Variants in FAM221B observed in about 807,000 individuals in gnomAD.
FAM221B encodes the protein family with sequence similarity 221 member B.
A neutral mutation model predicts 39.8 loss-of-function variants in FAM221B; 35 were observed. That is an observed-to-expected ratio of 0.88 (90% CI 0.67 to 1.17). The LOEUF is 1.17. Among genes scored for constraint, FAM221B ranks in the 50% most tolerant of loss-of-function variants. The pLI is 0.00. For synonymous variants in FAM221B, 158 were observed against 178.1 expected (o/e 0.89, Z 0.90); for missense variants, 479 against 503.1 (o/e 0.95, Z 0.46).
chr9:35,819,054 TCCCC>T, intron 5 of FAM221B, 45 bp from the exon 6 acceptor site: 2 of 1,550,730 alleles, frequency 1.3e-6, no homozygotes, highest in Non-Finnish European at 1.7e-6. Context: ...AATGGTGGTA[TCCCC>T]AGGAGCTGAC....
Position 35,818,374 on chromosome 9 carries a change from T to G in FAM221B, c.*95A>C. The G allele has an allele frequency of 3.4e-6, 4 of 1,174,244 alleles. No homozygotes were observed. Among genetic ancestry groups the G allele is most frequent in the Non-Finnish European group, 5.0e-6 (4 of 805,296 alleles). The allele number at this position is 1,174,244 out of a possible 1,614,324, so 72.7% of individuals were successfully genotyped here. ...TCTAATAGGTGTCAACTCTAAGTTA[T>G]TAGGCAGTCTCTCCCTGGGCTGGGA... is the stretch of plus-strand genomic sequence containing the variant. On this transcript the variant is annotated 3_prime_UTR_variant, in exon 7 of 7. Transcript: ENST00000423537.
In FAM221B at chr9:35,825,376, A is replaced by G; in HGVS notation, c.599-3T>C. 1.2e-6 allele frequency: 2 copies of G among 1,613,954 alleles called. No homozygotes were observed. Among genetic ancestry groups the G allele is most frequent in the South Asian group, 1.1e-5 (1 of 91,092 alleles). On this transcript the variant is annotated splice_region_variant and splice_polypyrimidine_tract_variant and intron_variant, in intron 2 of 6. Coordinates refer to ENST00000423537, the MANE Select transcript of FAM221B (RefSeq NM_001012446.4). This position sits in a 1 kb window ranked among gnomAD's most constrained non-coding sequence, Gnocchi z 4.2. ...GAACACTGGGCGGGCTGTGTTACCT[A>G]GGATGGGAGAGGATGAGTAACCAGG...
Position 35,825,338 on chromosome 9 carries a change from T to A in FAM221B, c.634A>T (p.Thr212Ser). 1 of 1,614,242 alleles carries A rather than the reference T, an allele frequency of 6.2e-7. No homozygotes were observed. The highest frequency in any genetic ancestry group is 8.5e-7 in the Non-Finnish European group (1 of 1,180,036). Residue 212 changes from threonine (T) to serine (S), a missense_variant, in exon 3 of 7, where the codon ACA becomes TCA. Thr to Ser is a moderately conservative substitution (Grantham distance 58, BLOSUM62 1). Coordinates refer to ENST00000423537, the MANE Select transcript of FAM221B (RefSeq NM_001012446.4). This position sits in a 1 kb window ranked among gnomAD's most constrained non-coding sequence, Gnocchi z 4.2. ...TARPVFPARQ[T>S]ELVEVAKAMH... is the part of the protein sequence containing the mutation. Reference sequence around the variant, plus strand: ...GCCTTAGCCACTTCCACCAGCTCTGTCTGCCTAGCAGGGAACACTGGGCGG... The same window carrying A: ...GCCTTAGCCACTTCCACCAGCTCTGACTGCCTAGCAGGGAACACTGGGCGG...
At chr9:35,819,103 C>T (rs2132135883) in intron 5 of FAM221B, 94 bp from the exon 6 acceptor site, 1 of 1,537,026 alleles carries the variant, frequency 6.5e-7, no homozygotes, top group Non-Finnish European at 8.8e-7. Flanking sequence ...ACCGCATGCC[C>T]AAGGCTCTCA....
At chr9:35,819,085 C>G in intron 5 of FAM221B, 76 bp from the exon 6 acceptor site, 3 of 1,542,384 alleles carry the variant, frequency 1.9e-6, no homozygotes, top group Non-Finnish European at 2.6e-6. Context: ...CTCATCTCTT[C>G]CTCAGTGACC....
Position 35,825,105 on chromosome 9 carries a change from A to C in FAM221B, c.742+125T>G. 8.9e-7 allele frequency: 1 copy of C among 1,128,524 alleles called. No homozygotes were observed. The highest frequency in any genetic ancestry group is 1.2e-6 in the Non-Finnish European group (1 of 802,996). 69.9% of individuals were successfully genotyped at this position (1,128,524 alleles called of 1,614,324 possible). A position where few individuals can be genotyped will look rare whatever the true frequency, so the allele number is the denominator to read the frequency against. On this transcript the variant is annotated intron_variant, in intron 3 of 6. Transcript: ENST00000423537. The surrounding 1 kb of genome is among the most constrained non-coding windows in gnomAD (Gnocchi z 4.2). Reference sequence around the variant, plus strand: ...TGGCCCACTTGCCTGCTCCTTTTCCAGGCAGGTGGTATAGCCATTTCCAAA... The same window carrying C: ...TGGCCCACTTGCCTGCTCCTTTTCCCGGCAGGTGGTATAGCCATTTCCAAA...
rs1203967282 is a variant in FAM221B at position 35,819,796 on chromosome 9, T to C, written c.853+94A>G. The stretch of plus-strand genomic sequence containing the variant: ...CTGGGATTACAGGGGTGAGCCACCG[T>C]GCCCAGCCACATGCTCTCTCTCATA... On this transcript the variant is annotated intron_variant, in intron 4 of 6. Coordinates refer to ENST00000423537, the MANE Select transcript of FAM221B (RefSeq NM_001012446.4). 2.8e-5 allele frequency: 24 copies of C among 858,116 alleles called. 1 individual carries two copies. Among genetic ancestry groups the C allele is most frequent in the Non-Finnish European group, 4.3e-5 (23 of 539,950 alleles). The allele number at this position is 858,116 out of a possible 1,614,324, so 53.2% of individuals were successfully genotyped here. A position where few individuals can be genotyped will look rare whatever the true frequency, so the allele number is the denominator to read the frequency against.
In FAM221B at chr9:35,825,214, G is replaced by A. The variant is rs770276328; in HGVS notation, c.742+16C>T. 1.2e-6 allele frequency: 2 copies of A among 1,613,998 alleles called. No homozygotes were observed. Among genetic ancestry groups the A allele is most frequent in the Admixed American group, 1.7e-5 (1 of 60,002 alleles). On this transcript the variant is annotated intron_variant, in intron 3 of 6. Coordinates refer to ENST00000423537, the MANE Select transcript of FAM221B (RefSeq NM_001012446.4). This position sits in a 1 kb window ranked among gnomAD's most constrained non-coding sequence, Gnocchi z 4.2. ...ATGGGCCTGTCACAGGCCTCTGAAA[G>A]GCCACATGGGCTCACCTGTCTGGAT... is the stretch of plus-strand genomic sequence containing the variant.
In FAM221B at chr9:35,817,791, G is replaced by C. The variant is rs1423294190; in HGVS notation, c.*678C>G. ...CAGGTTCTTGTTCCCTGAAACTCTA[G>C]GAAGGCTCCATCCTCTTCCTTCGTC... is the stretch of plus-strand genomic sequence containing the variant. On this transcript the variant is annotated 3_prime_UTR_variant, in exon 7 of 7. Coordinates refer to ENST00000423537, the MANE Select transcript of FAM221B (RefSeq NM_001012446.4). 6.6e-6 allele frequency: 1 copy of C among 152,348 alleles called. No homozygotes were observed. The highest frequency in any genetic ancestry group is 2.4e-5 in the African/African-American group (1 of 41,446). 9.4% of individuals were successfully genotyped at this position (152,348 alleles called of 1,614,324 possible).
chr9:35,819,855 C>T (rs775546817), intron 4 of FAM221B, 35 bp downstream of exon 4: 1 of 1,275,680 alleles, frequency 7.8e-7, no homozygotes, highest in South Asian at 1.2e-5. Flanking sequence ...AGTTATTCCT[C>T]CACACTCGAG....
At position 35,816,416 on chromosome 9, in the gene FAM221B, A is replaced by G. The variant is rs1158343530; in HGVS notation, c.*2053T>C. The G allele has an allele frequency of 2.7e-5, 4 of 149,482 alleles. No individual in the cohort carries two copies. The highest frequency in any genetic ancestry group is 4.4e-5 in the Non-Finnish European group (3 of 67,596). The allele number at this position is 149,482 out of a possible 1,614,324, so 9.3% of individuals were successfully genotyped here. A position where few individuals can be genotyped will look rare whatever the true frequency, so the allele number is the denominator to read the frequency against. ...TTTTCTTTTTTTTTTTTTTAAACACATGACCTGATACATATAGGTGGTCAG... is the reference window on the plus strand; with the variant it reads ...TTTTCTTTTTTTTTTTTTTAAACACGTGACCTGATACATATAGGTGGTCAG... On this transcript the variant is annotated 3_prime_UTR_variant, in exon 7 of 7. Transcript: ENST00000423537.
Position 35,825,235 on chromosome 9 carries a change from T to G in FAM221B, c.737A>C (p.Gln246Pro). 1 of 1,614,234 alleles carries G rather than the reference T, an allele frequency of 6.2e-7. No homozygotes were observed. The highest frequency in any genetic ancestry group is 8.5e-7 in the Non-Finnish European group (1 of 1,180,040). Reference sequence around the variant, plus strand: ...GAAAGGCCACATGGGCTCACCTGTCTGGATGGCATTCAGGGCTGCATCCTT... The same window carrying G: ...GAAAGGCCACATGGGCTCACCTGTCGGGATGGCATTCAGGGCTGCATCCTT... ...WEKDAALNAI[Q>P]TGLYIGWRCP... The change falls in exon 3 of 7, where the codon CAG (glutamine) becomes CCG (proline). Residue 246 changes from glutamine (Q) to proline (P), a missense_variant. Transcript: ENST00000423537. This position sits in a 1 kb window ranked among gnomAD's most constrained non-coding sequence, Gnocchi z 4.2.
rs2132136070 is a variant in FAM221B at position 35,819,187 on chromosome 9, TA to T, written c.1051+9del. On this transcript the variant is annotated intron_variant, in intron 5 of 6. Coordinates refer to ENST00000423537, the MANE Select transcript of FAM221B (RefSeq NM_001012446.4). Reference sequence around the variant, plus strand: ...CCTGCTCCCAATACACCTCTTGCCCTAGAAGTTACCATGATGCCTGCAGGGA... The same window carrying T: ...CCTGCTCCCAATACACCTCTTGCCCTGAAGTTACCATGATGCCTGCAGGGA... 1 of 1,550,364 alleles carries T rather than the reference TA, an allele frequency of 6.5e-7. No individual in the cohort carries two copies. The highest frequency in any genetic ancestry group is 2.4e-5 in the East Asian group (1 of 40,894).
In FAM221B at chr9:35,826,059, T is replaced by C. The variant is rs745654345; in HGVS notation, c.103A>G (p.Ile35Val). 2 of 1,614,094 alleles carry C rather than the reference T, an allele frequency of 1.2e-6. No homozygotes were observed. Among genetic ancestry groups the C allele is most frequent in the Admixed American group, 3.3e-5 (2 of 60,020 alleles). The change falls in exon 2 of 7, where the codon ATC (isoleucine) becomes GTC (valine). Residue 35 changes from isoleucine (I) to valine (V), a missense_variant. Transcript: ENST00000423537. The stretch of plus-strand genomic sequence containing the variant: ...GAAGGCTTCAAGAAGCTTTCAGAGA[T>C]ATGGTTCTCCTGTAAGTCCTCAGCA... The part of the protein sequence containing the change: ...PSAEDLQENH[I>V]SESFLKPSTS...
At chr9:35,818,673 G>C (rs778073111) in intron 6 of FAM221B, among the ~76,000 whole-genome samples, 167 bp from the exon 7 acceptor site, 9 of 152,226 alleles carry the variant, frequency 5.9e-5, no homozygotes, top group Non-Finnish European at 1.2e-4. Context: ...GCTGAGGATG[G>C]CTTCTCGGAG....
Position 35,825,990 on chromosome 9 carries a change from A to G in FAM221B, c.172T>C (p.Leu58=), listed in dbSNP as rs1228606644. 1.9e-6 allele frequency: 3 copies of G among 1,613,982 alleles called. No individual in the cohort carries two copies. The highest frequency in any genetic ancestry group is 2.7e-5 in the African/African-American group (2 of 74,884). The change falls in exon 2 of 7, where the codon TTG becomes CTG. Residue 58 remains leucine, a synonymous_variant. Coordinates refer to ENST00000423537, the MANE Select transcript of FAM221B (RefSeq NM_001012446.4). This position sits in a 1 kb window ranked among gnomAD's most constrained non-coding sequence, Gnocchi z 4.2. ...PLEPHTSESP[L]VPSPSQIPLE... Reference sequence around the variant, plus strand: ...GGGATCTGGGAAGGGGATGGCACCAAAGGGGATTCAGAGGTATGGGGCTCT... The same window carrying G: ...GGGATCTGGGAAGGGGATGGCACCAGAGGGGATTCAGAGGTATGGGGCTCT...
At position 35,825,398 on chromosome 9, in the gene FAM221B, CA is replaced by C. The variant is rs1829313638; in HGVS notation, c.599-26del. The stretch of plus-strand genomic sequence containing the variant: ...CCTAGGATGGGAGAGGATGAGTAAC[CA>C]GGGGGAAGTGAGAAGGCCCTAAAAC... On this transcript the variant is annotated intron_variant, in intron 2 of 6. Coordinates refer to ENST00000423537, the MANE Select transcript of FAM221B (RefSeq NM_001012446.4). The surrounding 1 kb of genome is among the most constrained non-coding windows in gnomAD (Gnocchi z 4.2). 6.2e-7 allele frequency: 1 copy of C among 1,613,536 alleles called. No individual in the cohort carries two copies. The highest frequency in any genetic ancestry group is 1.3e-5 in the African/African-American group (1 of 75,054).
chr9:35,825,847 G>A lies in FAM221B; in HGVS notation c.315C>T (p.His105=), dbSNP rs1047435048. 3 of 1,613,996 alleles carry A rather than the reference G, an allele frequency of 1.9e-6. No individual in the cohort carries two copies. The highest frequency in any genetic ancestry group is 1.6e-4 in the Middle Eastern group (1 of 6,084). ...DSPISVVPEK[H]LTLPPQSRDY... ...CTCGTGATTGGGGAGGAAGAGTAAG[G>A]TGTTTCTCTGGCACCACTGAGATGG... is the stretch of plus-strand genomic sequence containing the variant. The change falls in exon 2 of 7, where the codon CAC becomes CAT. Residue 105 remains histidine, a synonymous_variant. Transcript: ENST00000423537. This position sits in a 1 kb window ranked among gnomAD's most constrained non-coding sequence, Gnocchi z 4.2.
rs1829310711 is a variant in FAM221B at position 35,825,340 on chromosome 9, T to A, written c.632A>T (p.Gln211Leu). The change falls in exon 3 of 7, where the codon CAG becomes CTG. Residue 211 changes from glutamine to leucine, a missense_variant. Gln to Leu is a moderately radical substitution (Grantham distance 113). Coordinates refer to ENST00000423537, the MANE Select transcript of FAM221B (RefSeq NM_001012446.4). This position sits in a 1 kb window ranked among gnomAD's most constrained non-coding sequence, Gnocchi z 4.2. Reference sequence around the variant, plus strand: ...CTTAGCCACTTCCACCAGCTCTGTCTGCCTAGCAGGGAACACTGGGCGGGC... The same window carrying A: ...CTTAGCCACTTCCACCAGCTCTGTCAGCCTAGCAGGGAACACTGGGCGGGC... Reference protein sequence around the residue: ...NTARPVFPARQTELVEVAKAM... With the variant: ...NTARPVFPARLTELVEVAKAM... 2 of 1,614,126 alleles carry A rather than the reference T, an allele frequency of 1.2e-6. No homozygotes were observed. Among genetic ancestry groups the A allele is most frequent in the South Asian group, 1.1e-5 (1 of 91,094 alleles).
Sources: allele counts gnomAD v4.1 joint callset (sites outside exome capture counted in the v4.1 genomes callset), GRCh38; gene constraint gnomAD v4.1.1; non-coding constraint Gnocchi (gnomAD v3.1); transcripts MANE v1.5; gene names NCBI Gene and HGNC (gene_info 2026-07-23, HGNC 2026-07-21).